The following ARSG variants were observed in gnomAD, a reference collection of about 807,000 sequenced individuals.
The protein encoded by ARSG is arylsulfatase G, also known as ASG.
In ARSG, 37 loss-of-function variants were observed where a neutral mutation model predicts 50.5. The ratio of observed to expected loss-of-function variants is 0.73; its 90% confidence interval spans 0.56 to 0.96. The LOEUF is 0.96. Ranked by LOEUF, ARSG falls within the 50% of genes least tolerant of loss-of-function variation. The probability of loss-of-function intolerance (pLI) is 0.00; values close to 1 mark genes in which losing one functional copy is unlikely to be tolerated. For missense variants in ARSG, 629 were observed against 675.3 expected (o/e 0.93, Z 0.76); for synonymous variants, 225 against 254.6 (o/e 0.88, Z 1.11).
chr17:68,309,669 G>T (rs1258951198), intron 2 of ARSG, among the ~76,000 whole-genome samples: 2 of 151,958 alleles, frequency 1.3e-5, no homozygotes, highest in African/African-American at 4.8e-5. Flanking sequence ...GACTAGCCTG[G>T]CCAACCTGCC....
intron 6 of ARSG, among the ~76,000 whole-genome samples, chr17:68,366,909 A>G (rs1394548861): frequency 6.6e-6 from 1 of 152,066 alleles, no homozygotes; most frequent in African/African-American, 2.4e-5. Flanking sequence ...TCTTCCCCGC[A>G]GTGCCCCGCC....
intron 8 of ARSG, chr17:68,379,955 A>G: frequency 1.2e-6 from 1 of 814,888 alleles, no homozygotes; most frequent in Non-Finnish European, 1.5e-6. Context: ...GATACGTACA[A>G]CTGACCTTTG....
intron 1 of ARSG, among the ~76,000 whole-genome samples, chr17:68,299,141 G>A (rs2076319595): frequency 7.9e-6 from 1 of 127,138 alleles, no homozygotes; most frequent in African/African-American, 3.0e-5. Context: ...GTCTCACTCT[G>A]TTGCCCAGGC....
downstream of ARSG, among the ~76,000 whole-genome samples, chr17:68,423,342 G>C: frequency 6.6e-6 from 1 of 152,144 alleles, no homozygotes; most frequent in East Asian, 1.9e-4. This position sits in a 1 kb window ranked among gnomAD's most constrained non-coding sequence, Gnocchi z 4.4. Flanking sequence ...GCATGCCTCT[G>C]GTCCTTACAT....
chr17:68,424,379 C>T, downstream of ARSG: 1 of 522,974 alleles, frequency 1.9e-6, no homozygotes, highest in Non-Finnish European at 3.9e-6. Flanking sequence ...TTTTCTAAGC[C>T]AAATGTGCTC....
At chr17:68,290,161 G>T (rs1033038631), upstream of ARSG, among the ~76,000 whole-genome samples, 7 of 152,202 alleles carry the variant, frequency 4.6e-5, no homozygotes, top group Admixed American at 3.9e-4. Flanking sequence ...CTGGCACGGA[G>T]TGTCTAACCG....
Position 68,292,154 on chromosome 17 carries a change from A to T in ARSG, c.-552+586A>T, listed in dbSNP as rs561337186. Among the ~76,000 whole-genome samples the T allele has an allele frequency of 9.4e-3, 1,427 of 152,086 alleles. 10 individuals are homozygous for T. Among genetic ancestry groups the T allele is most frequent in the Non-Finnish European group, 0.013 (874 of 67,952 alleles). ...TCCCCCACTTTGCTGCACCGGCAGC[A>T]GCGGCAGCAACAGCATCCGCGTTGC... On this transcript the variant is annotated intron_variant, in intron 1 of 11. Transcript: ENST00000621439.
chr17:68,274,198 G>T, intron 1 of ARSG: 1 of 966,634 alleles, frequency 1.0e-6, no homozygotes, highest in Non-Finnish European at 1.5e-6. Flanking sequence ...GAGCGCAGTG[G>T]CTCATGCCTG....
intron 8 of ARSG, among the ~76,000 whole-genome samples, chr17:68,371,582 A>G (rs1325343562): frequency 1.3e-5 from 2 of 152,344 alleles, no homozygotes; most frequent in East Asian, 3.9e-4. Context: ...ACAATTTGAC[A>G]TATGGACCAA....
At chr17:68,266,427 T>C (rs1484708802) in intron 1 of ARSG, among the ~76,000 whole-genome samples, 2 of 59,372 alleles carry the variant, frequency 3.4e-5, no homozygotes, top group African/African-American at 1.4e-4. Context: ...TATATATATG[T>C]ATATATATAC....
chr17:68,358,865 A>T (rs1166605015), intron 6 of ARSG, among the ~76,000 whole-genome samples: 1 of 151,438 alleles, frequency 6.6e-6, no homozygotes, highest in Non-Finnish European at 1.5e-5. Flanking sequence ...CCTGTCTCTT[A>T]AAAAACCCCC....
chr17:68,288,923 A>C (rs2075903562), upstream of ARSG, among the ~76,000 whole-genome samples: 1 of 152,174 alleles, frequency 6.6e-6, no homozygotes, highest in African/African-American at 2.4e-5. Context: ...AAACTCGACA[A>C]TTCTGAATGG....
rs1378517742 is a variant in ARSG at position 68,409,602 on chromosome 17, C to T, written c.1303+8152C>T. Among the ~76,000 whole-genome samples the T allele has an allele frequency of 8.4e-3, 1,268 of 151,508 alleles. 21 individuals carry two copies. The highest frequency in any genetic ancestry group is 0.029 in the African/African-American group (1,202 of 41,078). ...TTGGCTGAGGATTGACTTGGCGATGCGGGCTCTTTTTTGGTTCCATATGAA... is the reference window on the plus strand; with the variant it reads ...TTGGCTGAGGATTGACTTGGCGATGTGGGCTCTTTTTTGGTTCCATATGAA... On this transcript the variant is annotated intron_variant, in intron 11 of 11. Coordinates refer to ENST00000621439, the MANE Select transcript of ARSG (RefSeq NM_001267727.2).
chr17:68,373,959 C>T (rs2080003486), intron 8 of ARSG, among the ~76,000 whole-genome samples: 1 of 151,712 alleles, frequency 6.6e-6, no homozygotes, highest in African/African-American at 2.4e-5. Context: ...AGATCGAGAC[C>T]ATCCTGACTA....
At chr17:68,441,266 G>A in the ARSG span, among the ~76,000 whole-genome samples, 1 of 152,190 alleles carries the variant, frequency 6.6e-6, no homozygotes, top group Non-Finnish European at 1.5e-5. Flanking sequence ...CAACAGGAAC[G>A]GGCATGACAC....
chr17:68,263,975 AG>A (rs1555745788), intron 1 of ARSG, among the ~76,000 whole-genome samples: 1 of 152,070 alleles, frequency 6.6e-6, no homozygotes, highest in East Asian at 1.9e-4. Flanking sequence ...CTCCTGCCTC[AG>A]CCCCCCGAGT....
At chr17:68,445,274 G>A in the ARSG span, among the ~76,000 whole-genome samples, 1 of 152,152 alleles carries the variant, frequency 6.6e-6, no homozygotes, top group South Asian at 2.1e-4. Context: ...ACAATTTCAT[G>A]TGCCTTCTGT....
intron 1 of ARSG, among the ~76,000 whole-genome samples, chr17:68,305,759 C>T (rs2076581985): frequency 1.3e-5 from 2 of 152,072 alleles, no homozygotes; most frequent in African/African-American, 2.4e-5. Flanking sequence ...TTCCTTTTCC[C>T]CCAGATTAAC....
chr17:68,330,223 A>T (rs1336884814), intron 2 of ARSG, among the ~76,000 whole-genome samples: 3 of 152,134 alleles, frequency 2.0e-5, no homozygotes, highest in African/African-American at 7.2e-5. Context: ...AAAAAAAAGA[A>T]AAAGAAAAAG....
Sources: allele counts gnomAD v4.1 joint callset (sites outside exome capture counted in the v4.1 genomes callset), GRCh38; gene constraint gnomAD v4.1.1; non-coding constraint Gnocchi (gnomAD v3.1); transcripts MANE v1.5; gene names NCBI Gene and HGNC (gene_info 2026-07-23, HGNC 2026-07-21).